PHF2: variants seen among roughly 807,000 people sequenced by gnomAD.
PHF2 encodes PHD finger protein 2.
A neutral mutation model predicts 120.5 loss-of-function variants in PHF2; 27 were observed. The ratio of observed to expected loss-of-function variants is 0.22; its 90% CI spans 0.17 to 0.31. PHF2 has a LOEUF of 0.31. Ranked by LOEUF, PHF2 falls within the 10% of genes least tolerant of loss-of-function variation. The probability of loss-of-function intolerance (pLI) is 1.00; values close to 1 mark genes in which losing one functional copy is unlikely to be tolerated. For synonymous variants in PHF2, 568 were observed against 592.5 expected (o/e 0.96, Z 0.60); for missense variants, 1,024 against 1,434.8 (o/e 0.71, Z 4.63).
At chr9:93,597,041 C>T (rs183466434) in intron 1 of PHF2, among the ~76,000 whole-genome samples, 17 of 151,562 alleles carry the variant, frequency 1.1e-4, no homozygotes, top group African/African-American at 3.2e-4. Context: ...TGCCATTCTC[C>T]AGCCTCAGCC....
Position 93,634,123 on chromosome 9 carries a change from G to GGTCCCACT in PHF2, c.185-2287_185-2280dup, listed in dbSNP as rs1435364852. 5.3e-5 allele frequency among the ~76,000 whole-genome samples: 8 copies of GGTCCCACT among 152,120 alleles called. 1 individual carries two copies. The East Asian group carries it at 1.5e-3, about 29-fold the overall frequency. ...CTCAGCTCTGGAAGTTTCCTCCCTA[G>GGTCCCACT]GTCCCACTTGGCTCCCCCATGGAGT... On this transcript the variant is annotated intron_variant, in intron 2 of 21. Transcript: ENST00000359246.
chr9:93,657,353 G>A (rs141417948), intron 9 of PHF2, among the ~76,000 whole-genome samples: 2 of 152,190 alleles, frequency 1.3e-5, no homozygotes, highest in African/African-American at 4.8e-5. Context: ...CCAGGTTGCG[G>A]TAAGATTTTC....
At chr9:93,648,730 A>G (rs1217401234) in intron 4 of PHF2, among the ~76,000 whole-genome samples, 2 of 152,148 alleles carry the variant, frequency 1.3e-5, no homozygotes, top group African/African-American at 4.8e-5. Context: ...TGTCTCATGA[A>G]TTACTTGGAA....
Position 93,665,491 on chromosome 9 carries a change from C to T in PHF2, c.1938-195C>T, listed in dbSNP as rs78644344. On this transcript the variant is annotated intron_variant, in intron 14 of 21. Transcript: ENST00000359246. ...CAGCCTGGCCTCCTGTCTGCAGAGG[C>T]TTGGGCCCTCTACCCTCCTCCCATC... Among the ~76,000 whole-genome samples the T allele has an allele frequency of 0.017, 2,516 of 152,346 alleles. 176 individuals are homozygous for T. In the East Asian group the frequency reaches 0.23, roughly 14 times the overall value.
Position 93,677,571 on chromosome 9 carries a change from C to T in PHF2, c.3203-17C>T. 6.2e-7 allele frequency: 1 copy of T among 1,609,014 alleles called. No homozygotes were observed. Among genetic ancestry groups the T allele is most frequent in the Non-Finnish European group, 8.5e-7 (1 of 1,176,614 alleles). On this transcript the variant is annotated splice_polypyrimidine_tract_variant and intron_variant, in intron 21 of 21. Coordinates refer to ENST00000359246, the MANE Select transcript of PHF2 (RefSeq NM_005392.4). This position sits in a 1 kb window ranked among gnomAD's most constrained non-coding sequence, Gnocchi z 4.4. Reference sequence around the variant, plus strand: ...AGCTTACCTTCCCTTTTTGTGTCCCCTCCCCGACTCCCCTAGGAAAACGTA... The same window carrying T: ...AGCTTACCTTCCCTTTTTGTGTCCCTTCCCCGACTCCCCTAGGAAAACGTA...
intron 20 of PHF2, among the ~76,000 whole-genome samples, 156 bp downstream of exon 20, chr9:93,675,945 C>T (rs1826902587): frequency 6.6e-6 from 1 of 152,196 alleles, no homozygotes. Context: ...AGAGAGTGCC[C>T]TATTCCTCCA....
intron 1 of PHF2, among the ~76,000 whole-genome samples, chr9:93,589,421 C>T (rs1469942733): frequency 6.6e-6 from 1 of 152,064 alleles, no homozygotes; most frequent in Non-Finnish European, 1.5e-5. Flanking sequence ...TGGTCTCCAC[C>T]CAGCAGGTGC....
At chr9:93,581,945 G>C (rs923182185) in intron 1 of PHF2, among the ~76,000 whole-genome samples, 4 of 152,202 alleles carry the variant, frequency 2.6e-5, no homozygotes, top group African/African-American at 9.7e-5. Flanking sequence ...TTGAAATTCA[G>C]GGTGTGGGTA....
intron 14 of PHF2, among the ~76,000 whole-genome samples, chr9:93,665,167 A>T (rs549134049): frequency 2.3e-4 from 35 of 152,310 alleles, no homozygotes; most frequent in African/African-American, 7.9e-4. Context: ...CCTGGCCCTG[A>T]GTTTATTTTT....
intron 1 of PHF2, among the ~76,000 whole-genome samples, chr9:93,582,601 C>T (rs1323030106): frequency 2.0e-5 from 3 of 152,206 alleles, no homozygotes; most frequent in South Asian, 4.1e-4. Flanking sequence ...GGCTTCTATG[C>T]TTTAGGGTAC....
chr9:93,663,561 G>A lies in PHF2; in HGVS notation c.1863G>A (p.Lys621=). 6.2e-7 allele frequency: 1 copy of A among 1,613,544 alleles called. No individual in the cohort carries two copies. The highest frequency in any genetic ancestry group is 8.5e-7 in the Non-Finnish European group (1 of 1,179,670). The change falls in exon 14 of 22, where the codon AAG becomes AAA. Residue 621 remains lysine, a synonymous_variant. Coordinates refer to ENST00000359246, the MANE Select transcript of PHF2 (RefSeq NM_005392.4). ...TACTGAAGATGGAAGAGGAGCAGAA[G>A]CTAGAGAAGTCGCCTCTAGCTGGAA... is the stretch of plus-strand genomic sequence containing the variant. ...DSLLKMEEEQ[K]LEKSPLAGNK... is the part of the protein sequence containing the mutation.
chr9:93,618,750 A>G (rs374937557), intron 1 of PHF2, among the ~76,000 whole-genome samples: 1 of 149,294 alleles, frequency 6.7e-6, no homozygotes, highest in Non-Finnish European at 1.5e-5. Flanking sequence ...GTGTGTGTGT[A>G]TGCCTGTGTT....
intron 1 of PHF2, among the ~76,000 whole-genome samples, chr9:93,607,214 A>T (rs10821179): frequency 5.9e-5 from 9 of 152,076 alleles, no homozygotes; most frequent in Non-Finnish European, 8.8e-5. Flanking sequence ...TGTAAACTTC[A>T]GAATCAATTT....
In PHF2 at chr9:93,651,160, T is replaced by C. The variant is rs528170394; in HGVS notation, c.602+1948T>C. 1.4e-3 allele frequency among the ~76,000 whole-genome samples: 204 copies of C among 150,586 alleles called. 1 individual carries two copies. Among genetic ancestry groups the C allele is most frequent in the South Asian group, 2.3e-3 (11 of 4,722 alleles). The stretch of plus-strand genomic sequence containing the variant: ...GGTTGAGCTTCCTAACAGCAAAGAC[T>C]AAAAGGGAAATGGAGTGGGTTATGG... On this transcript the variant is annotated intron_variant, in intron 5 of 21. Coordinates refer to ENST00000359246, the MANE Select transcript of PHF2 (RefSeq NM_005392.4).
At chr9:93,648,029 G>A (rs556261945) in intron 4 of PHF2, among the ~76,000 whole-genome samples, 1 of 152,128 alleles carries the variant, frequency 6.6e-6, no homozygotes, top group African/African-American at 2.4e-5. Flanking sequence ...TTGGTGGCAC[G>A]TAAGACCCAG....
intron 4 of PHF2, among the ~76,000 whole-genome samples, chr9:93,648,683 C>T (rs1430862072): frequency 1.3e-5 from 2 of 152,154 alleles, no homozygotes; most frequent in Non-Finnish European, 2.9e-5. Context: ...CCTAGAAATG[C>T]AGGGGTTTTG....
intron 1 of PHF2, among the ~76,000 whole-genome samples, chr9:93,624,921 A>T (rs1264623471): frequency 6.6e-6 from 1 of 152,128 alleles, no homozygotes; most frequent in Non-Finnish European, 1.5e-5. Flanking sequence ...GGTGATGGAG[A>T]TGATGTTGTC....
Position 93,654,416 on chromosome 9 carries a change from G to C in PHF2, c.793G>C (p.Glu265Gln). The C allele has an allele frequency of 6.2e-7, 1 of 1,612,078 alleles. No homozygotes were observed. Among genetic ancestry groups the C allele is most frequent in the South Asian group, 1.1e-5 (1 of 91,050 alleles). The change falls in exon 7 of 22, where the codon GAG becomes CAG. Residue 265 changes from glutamate (E) to glutamine (Q), a missense_variant. Transcript: ENST00000359246. ...TGCCAACAGGCTCTCTTGGCAGGGGGAGAAGACCTTCTATCTCATCAGGCC... is the reference window on the plus strand; with the variant it reads ...TGCCAACAGGCTCTCTTGGCAGGGGCAGAAGACCTTCTATCTCATCAGGCC... The part of the protein sequence containing the change: ...ASAWYHVLKG[E>Q]KTFYLIRPAS...
Position 93,676,833 on chromosome 9 carries a change from T to C in PHF2, c.3072T>C (p.His1024=). Residue 1024 remains histidine, a synonymous_variant, in exon 21 of 22, where the codon CAT becomes CAC. Transcript: ENST00000359246. ...PESHSSSLAD[H]EYTAAGTFTG... ...CGCATAGCAGCAGCCTGGCGGACCATGAGTACACAGCCGCTGGCACCTTCA... is the reference window on the plus strand; with the variant it reads ...CGCATAGCAGCAGCCTGGCGGACCACGAGTACACAGCCGCTGGCACCTTCA... 6.4e-7 allele frequency: 1 copy of C among 1,559,238 alleles called. No homozygotes were observed. The highest frequency in any genetic ancestry group is 8.7e-7 in the Non-Finnish European group (1 of 1,151,392).
Sources: allele counts gnomAD v4.1 joint callset (sites outside exome capture counted in the v4.1 genomes callset), GRCh38; gene constraint gnomAD v4.1.1; non-coding constraint Gnocchi (gnomAD v3.1); transcripts MANE v1.5; gene names NCBI Gene and HGNC (gene_info 2026-07-23, HGNC 2026-07-21).